The following NEGR1 variants were observed in gnomAD, a reference collection of about 807,000 sequenced individuals.
NEGR1 encodes the protein neuronal growth regulator 1, also known as IgLON family member 4.
In NEGR1, 10 loss-of-function variants were observed where a neutral mutation model predicts 40.9. The observed-to-expected ratio is 0.24, with a 90% CI of 0.15 to 0.42. The LOEUF is 0.42. NEGR1 is among the 10% of genes least tolerant of loss of function. The probability of loss-of-function intolerance (pLI) is 1.00; values close to 1 mark genes in which losing one functional copy is unlikely to be tolerated. For missense variants in NEGR1, 352 were observed against 438.9 expected (o/e 0.80, Z 1.77); for synonymous variants, 185 against 166.8 (o/e 1.11, Z -0.84).
intron 3 of NEGR1, among the ~76,000 whole-genome samples, chr1:71,735,220 G>A (rs74088595): frequency 0.02 from 2,975 of 152,128 alleles, 74 homozygotes; most frequent in African/African-American, 0.067. Flanking sequence ...CATCTTTCAA[G>A]ACACACTTAA....
At chr1:71,598,254 C>T (rs1321582810) in intron 5 of NEGR1, among the ~76,000 whole-genome samples, 1 of 152,072 alleles carries the variant, frequency 6.6e-6, no homozygotes, top group African/African-American at 2.4e-5. Flanking sequence ...AATCAGAAAT[C>T]ATGGATACTT....
chr1:71,871,129 C>A lies in NEGR1; in HGVS notation c.409+63950G>T, dbSNP rs541331872. 4.5e-4 allele frequency among the ~76,000 whole-genome samples: 68 copies of A among 152,270 alleles called. 1 individual carries two copies. The highest frequency in any genetic ancestry group is 1.6e-3 in the African/African-American group (67 of 41,566). On this transcript the variant is annotated intron_variant, in intron 2 of 6. Transcript: ENST00000357731. ...GTTCTCCATCGTGTGTTAAGAATAT[C>A]AAACTCCCTATTTATCATCAACGTT...
At chr1:72,006,808 C>T (rs1382473320) in intron 1 of NEGR1, among the ~76,000 whole-genome samples, 1 of 152,120 alleles carries the variant, frequency 6.6e-6, no homozygotes, top group Non-Finnish European at 1.5e-5. Flanking sequence ...TTAGACTGCC[C>T]TTAACAAGTC....
At chr1:71,902,196 T>C (rs1661161635) in intron 2 of NEGR1, among the ~76,000 whole-genome samples, 2 of 152,184 alleles carry the variant, frequency 1.3e-5, no homozygotes, top group African/African-American at 4.8e-5. Context: ...GTAGCAGTAA[T>C]GACAAGATCA....
chr1:71,559,428 G>A (rs1001564501), intron 6 of NEGR1, among the ~76,000 whole-genome samples: 1 of 151,446 alleles, frequency 6.6e-6, no homozygotes. Flanking sequence ...TTGTTACACA[G>A]TTAGATTCAT....
chr1:71,682,152 C>T (rs935037997), intron 4 of NEGR1, among the ~76,000 whole-genome samples: 1 of 152,052 alleles, frequency 6.6e-6, no homozygotes, highest in African/African-American at 2.4e-5. Context: ...TTGTAATATC[C>T]ATCTTCCAAT....
intron 3 of NEGR1, among the ~76,000 whole-genome samples, chr1:71,763,767 G>C (rs61767019): frequency 7.0e-5 from 7 of 99,722 alleles, no homozygotes; most frequent in African/African-American, 1.4e-4. Context: ...GTGTGTGTGT[G>C]TGTGTCTGTG....
intron 1 of NEGR1, among the ~76,000 whole-genome samples, chr1:71,984,348 G>T (rs1028474986): frequency 1.7e-5 from 2 of 117,472 alleles, no homozygotes; most frequent in Admixed American, 8.2e-5. Context: ...GACTGGTCTC[G>T]AACTCCTGGT....
At chr1:71,965,509 A>C (rs74663751) in intron 1 of NEGR1, among the ~76,000 whole-genome samples, 2,803 of 152,226 alleles carry the variant, frequency 0.018, 74 homozygotes, top group African/African-American at 0.064. Flanking sequence ...TGCATTCTAA[A>C]TCTTCCTAGA....
chr1:71,847,085 C>T (rs1399863619), intron 2 of NEGR1, among the ~76,000 whole-genome samples: 3 of 152,140 alleles, frequency 2.0e-5, no homozygotes, highest in Admixed American at 2.0e-4. Context: ...ATCAAATCCC[C>T]CCATCTCACA....
At chr1:71,522,971 G>A (rs1156976326) in intron 6 of NEGR1, among the ~76,000 whole-genome samples, 1 of 151,948 alleles carries the variant, frequency 6.6e-6, no homozygotes, top group African/African-American at 2.4e-5. Context: ...CCACGAGCCA[G>A]CCAATGGTCT....
At chr1:72,110,208 AC>A (rs1387110801) in intron 1 of NEGR1, among the ~76,000 whole-genome samples, 20 of 139,514 alleles carry the variant, frequency 1.4e-4, no homozygotes, top group African/African-American at 5.2e-4. Flanking sequence ...GTACCCTAAA[AC>A]TTAGAGTATA....
intron 1 of NEGR1, among the ~76,000 whole-genome samples, chr1:72,099,825 T>A (rs896800295): frequency 1.3e-5 from 2 of 151,850 alleles, no homozygotes; most frequent in Admixed American, 6.6e-5. Flanking sequence ...GTACTTTTAG[T>A]TGATATAACC....
Position 72,247,758 on chromosome 1 carries a change from C to T in NEGR1, c.176+34561G>A, listed in dbSNP as rs151231588. 3.8e-4 allele frequency among the ~76,000 whole-genome samples: 58 copies of T among 152,236 alleles called. 1 individual carries two copies. Among genetic ancestry groups the T allele is most frequent in the Admixed American group, 1.5e-3 (23 of 15,280 alleles). On this transcript the variant is annotated intron_variant, in intron 1 of 6. Transcript: ENST00000357731. Reference sequence around the variant, plus strand: ...CATTCCACGTTTTCAGGTATCTTTACATTATTGTCCCACCTACAGTACCAA... The same window carrying T: ...CATTCCACGTTTTCAGGTATCTTTATATTATTGTCCCACCTACAGTACCAA...
chr1:71,803,337 A>T (rs779108509), intron 2 of NEGR1, among the ~76,000 whole-genome samples: 3 of 152,178 alleles, frequency 2.0e-5, no homozygotes, highest in Non-Finnish European at 4.4e-5. Context: ...CATCTTGATC[A>T]TGAAGTCCTA....
intron 4 of NEGR1, among the ~76,000 whole-genome samples, chr1:71,653,479 C>T (rs1018098259): frequency 2.0e-5 from 3 of 152,030 alleles, no homozygotes; most frequent in Non-Finnish European, 2.9e-5. Context: ...ATTCTTTTTA[C>T]GTTGCTTGCT....
At chr1:71,801,327 C>T (rs533483633) in intron 2 of NEGR1, among the ~76,000 whole-genome samples, 2 of 152,272 alleles carry the variant, frequency 1.3e-5, no homozygotes, top group South Asian at 2.1e-4. Context: ...GAGTCCATCA[C>T]ATTTTATGGT....
At chr1:71,970,395 AG>A (rs1220970490) in intron 1 of NEGR1, among the ~76,000 whole-genome samples, 1 of 152,198 alleles carries the variant, frequency 6.6e-6, no homozygotes, top group African/African-American at 2.4e-5. Context: ...TTTAGAAAAA[AG>A]TCACTCAATT....
At chr1:72,191,514 T>A (rs569775636) in intron 1 of NEGR1, among the ~76,000 whole-genome samples, 1 of 151,820 alleles carries the variant, frequency 6.6e-6, no homozygotes, top group Non-Finnish European at 1.5e-5. Flanking sequence ...TAATCTAAAA[T>A]CTTTTCTTAG....
Sources: allele counts gnomAD v4.1 joint callset (sites outside exome capture counted in the v4.1 genomes callset), GRCh38; gene constraint gnomAD v4.1.1; transcripts MANE v1.5; gene names NCBI Gene and HGNC (gene_info 2026-07-23, HGNC 2026-07-21).